KCNMB2: variants seen among roughly 807,000 people sequenced by gnomAD.
KCNMB2 encodes the protein calcium-activated potassium channel subunit beta-2.
In KCNMB2, 9 loss-of-function variants were observed where a neutral mutation model predicts 24.5. That is an observed-to-expected ratio of 0.37 (90% CI 0.22 to 0.64). The LOEUF (loss-of-function observed/expected upper bound fraction) is 0.64. Among genes scored for constraint, KCNMB2 ranks in the 30% least tolerant of loss-of-function variants. KCNMB2 has a pLI of 0.63. For missense variants in KCNMB2, 226 were observed against 284.3 expected, an observed-to-expected ratio of 0.79 and a Z score of 1.47; for synonymous variants, 109 against 104.4, an observed-to-expected ratio of 1.04 and a Z score of -0.27.
chr3:178,672,826 G>A (rs1219460202), intron 1 of KCNMB2, among the ~76,000 whole-genome samples: 1 of 152,154 alleles, frequency 6.6e-6, no homozygotes, highest in Non-Finnish European at 1.5e-5. Flanking sequence ...CTCTCCTCTA[G>A]TGATATTGTC....
At chr3:178,707,504 G>A (rs528130013) in intron 1 of KCNMB2, among the ~76,000 whole-genome samples, 75 of 152,198 alleles carry the variant, frequency 4.9e-4, no homozygotes, top group Non-Finnish European at 8.5e-4. Flanking sequence ...TGCCAATTTC[G>A]CAGTAAAGAT....
At chr3:178,540,614 C>T (rs1328764667) in intron 1 of KCNMB2, among the ~76,000 whole-genome samples, 1 of 152,214 alleles carries the variant, frequency 6.6e-6, no homozygotes, top group Admixed American at 6.6e-5. Context: ...CAAGCACTCT[C>T]AAACCTCAGA....
Position 178,693,898 on chromosome 3 carries a change from T to C in KCNMB2, c.-67-113445T>C, listed in dbSNP as rs1264771538. Among the ~76,000 whole-genome samples, 7 of 151,602 alleles carry C rather than the reference T, an allele frequency of 4.6e-5. No individual in the cohort carries two copies. In the South Asian group the frequency reaches 8.3e-4, roughly 18 times the overall value. On this transcript the variant is annotated intron_variant, in intron 1 of 4. Transcript: ENST00000452583. ...CTGGGCTTTTTTTCTTTTTCTTTTT[T>C]TTTTTTAGTTAGTAGACTATTTATT...
intron 1 of KCNMB2, among the ~76,000 whole-genome samples, chr3:178,801,485 G>C (rs1382652183): frequency 1.3e-5 from 2 of 152,074 alleles, no homozygotes; most frequent in African/African-American, 4.8e-5. Flanking sequence ...AATCTTCTAG[G>C]CATCAAATTG....
chr3:178,614,340 T>C (rs113521170), intron 1 of KCNMB2, among the ~76,000 whole-genome samples: 59 of 136,536 alleles, frequency 4.3e-4, no homozygotes, highest in African/African-American at 1.4e-3. Context: ...TATGTATATA[T>C]ATATATGTAT....
intron 1 of KCNMB2, among the ~76,000 whole-genome samples, chr3:178,724,568 A>G (rs1476905565): frequency 2.0e-5 from 3 of 152,036 alleles, no homozygotes; most frequent in Admixed American, 6.6e-5. Context: ...TTGTTCAGAA[A>G]TTCTTTGCCT....
intron 1 of KCNMB2, among the ~76,000 whole-genome samples, chr3:178,544,281 T>C (rs1715707614): frequency 6.6e-6 from 1 of 152,154 alleles, no homozygotes; most frequent in Non-Finnish European, 1.5e-5. Flanking sequence ...TCCTCTCACC[T>C]CTTCTCTTTA....
At chr3:178,636,471 A>G (rs908906372) in intron 1 of KCNMB2, among the ~76,000 whole-genome samples, 5 of 152,230 alleles carry the variant, frequency 3.3e-5, no homozygotes, top group African/African-American at 1.2e-4. Flanking sequence ...TATGTTTTTC[A>G]CGCATGTCAT....
intron 1 of KCNMB2, among the ~76,000 whole-genome samples, chr3:178,668,432 C>A (rs541819582): frequency 6.6e-6 from 1 of 151,966 alleles, no homozygotes; most frequent in Admixed American, 6.6e-5. Flanking sequence ...AGTTGTGGAC[C>A]CCAAGCTGTA....
At chr3:178,792,760 G>A (rs995604612) in intron 1 of KCNMB2, among the ~76,000 whole-genome samples, 7 of 152,204 alleles carry the variant, frequency 4.6e-5, no homozygotes, top group Admixed American at 3.3e-4. Context: ...AAAAAGAGCA[G>A]AAGTAGCTAT....
intron 1 of KCNMB2, among the ~76,000 whole-genome samples, chr3:178,697,671 T>A (rs1399304345): frequency 1.3e-5 from 2 of 152,198 alleles, no homozygotes; most frequent in African/African-American, 2.4e-5. Flanking sequence ...TTTTGCAGAC[T>A]TGTTTATGTG....
At chr3:178,564,226 C>T (rs1377702735) in intron 1 of KCNMB2, among the ~76,000 whole-genome samples, 4 of 151,480 alleles carry the variant, frequency 2.6e-5, no homozygotes, top group Admixed American at 1.3e-4. Context: ...TGCAGTGAGT[C>T]GAGGTCGTGC....
intron 1 of KCNMB2, among the ~76,000 whole-genome samples, chr3:178,595,574 G>A (rs2108503056): frequency 1.3e-5 from 2 of 152,146 alleles, no homozygotes; most frequent in Non-Finnish European, 2.9e-5. Context: ...GTGAGTTAGT[G>A]CTAACGAGAT....
chr3:178,547,705 T>C (rs1174672751), intron 1 of KCNMB2, among the ~76,000 whole-genome samples: 2 of 152,188 alleles, frequency 1.3e-5, no homozygotes, highest in Admixed American at 1.3e-4. Context: ...TTATCTTCTC[T>C]TACACTTTAG....
intron 1 of KCNMB2, among the ~76,000 whole-genome samples, chr3:178,653,280 C>T (rs1720197946): frequency 6.6e-6 from 1 of 152,012 alleles, no homozygotes; most frequent in South Asian, 2.1e-4. Flanking sequence ...TATAAAAATA[C>T]TAAGTTAATT....
At chr3:178,745,847 C>T (rs577811390) in intron 1 of KCNMB2, among the ~76,000 whole-genome samples, 13 of 152,338 alleles carry the variant, frequency 8.5e-5, no homozygotes, top group Admixed American at 3.3e-4. Flanking sequence ...CCATGTCTCA[C>T]ATCCAGGTCA....
intron 1 of KCNMB2, among the ~76,000 whole-genome samples, chr3:178,686,636 G>A (rs760085178): frequency 1.3e-5 from 2 of 151,988 alleles, no homozygotes; most frequent in Non-Finnish European, 2.9e-5. Context: ...TCCTATTTGG[G>A]GATACCATGT....
At chr3:178,802,893 AG>A (rs757268438) in intron 1 of KCNMB2, among the ~76,000 whole-genome samples, 6 of 152,218 alleles carry the variant, frequency 3.9e-5, no homozygotes, top group Non-Finnish European at 7.3e-5. Flanking sequence ...AAAGATCAAT[AG>A]TCTAAATGTA....
chr3:178,597,127 G>A (rs1717906411), intron 1 of KCNMB2, among the ~76,000 whole-genome samples: 1 of 152,024 alleles, frequency 6.6e-6, no homozygotes, highest in Non-Finnish European at 1.5e-5. Context: ...GACTTAAACA[G>A]GCATCATGGG....
Sources: gnomAD v4.1 joint callset for allele counts (sites outside exome capture counted in the v4.1 genomes callset) on GRCh38, gnomAD v4.1.1 for gene constraint, MANE v1.5 for transcripts, NCBI Gene and HGNC (gene_info 2026-07-23, HGNC 2026-07-21) for gene names.